The following GRIA1 variants were observed in gnomAD, a reference collection of about 807,000 sequenced individuals.
GRIA1 encodes the protein glutamate ionotropic receptor AMPA type subunit 1, also known as glutamate receptor 1.
GRIA1 carries 31 observed loss-of-function variants against 99.2 expected under a neutral mutation model. That is an observed-to-expected ratio of 0.31 (90% CI 0.23 to 0.42). The LOEUF (loss-of-function observed/expected upper bound fraction) is 0.42, where lower values mean the gene tolerates loss of function less well. Among genes scored for constraint, GRIA1 ranks in the 10% least tolerant of loss-of-function variants. The pLI, the probability that GRIA1 is intolerant of heterozygous loss-of-function variation, is 1.00. For synonymous variants in GRIA1, 438 were observed against 432.4 expected (o/e 1.01, Z -0.16); for missense variants, 782 against 1,157.5 (o/e 0.68, Z 4.71).
chr5:153,747,067 G>GTTTGT (rs1404115081), intron 11 of GRIA1, among the ~76,000 whole-genome samples: 1 of 152,152 alleles, frequency 6.6e-6, no homozygotes, highest in Admixed American at 6.5e-5. Flanking sequence ...GGATGTGTTA[G>GTTTGT]TTTGTTTTGC....
At chr5:153,669,555 T>G (rs1755997051) in intron 5 of GRIA1, among the ~76,000 whole-genome samples, 1 of 152,194 alleles carries the variant, frequency 6.6e-6, no homozygotes, top group South Asian at 2.1e-4. Context: ...TTCCAGTGAC[T>G]AATGGATGAT....
chr5:153,717,360 C>G (rs545325515), intron 11 of GRIA1, among the ~76,000 whole-genome samples: 1 of 152,144 alleles, frequency 6.6e-6, no homozygotes, highest in East Asian at 1.9e-4. Flanking sequence ...AGGAGGGAAT[C>G]CCTGCTGGAG....
intron 8 of GRIA1, among the ~76,000 whole-genome samples, chr5:153,693,985 G>C (rs183522279): frequency 1.3e-5 from 2 of 152,312 alleles, no homozygotes; most frequent in East Asian, 3.9e-4. Context: ...ATGAGGCTGA[G>C]TATCACTCAG....
intron 11 of GRIA1, among the ~76,000 whole-genome samples, chr5:153,709,913 A>G (rs982796199): frequency 1.3e-5 from 2 of 152,168 alleles, no homozygotes; most frequent in African/African-American, 4.8e-5. Context: ...TATTGGGGGA[A>G]TCAACTGGCA....
chr5:153,499,121 A>G (rs1343430422), intron 2 of GRIA1, among the ~76,000 whole-genome samples: 1 of 152,228 alleles, frequency 6.6e-6, no homozygotes, highest in Non-Finnish European at 1.5e-5. Flanking sequence ...TTGAAGACCT[A>G]CTATGTGCCA....
chr5:153,495,374 A>G (rs1754312383), intron 2 of GRIA1, among the ~76,000 whole-genome samples: 1 of 152,216 alleles, frequency 6.6e-6, no homozygotes, highest in African/African-American at 2.4e-5. Flanking sequence ...AACTGAGGCT[A>G]CAACAGATTA....
At chr5:153,681,879 CAA>C (rs535743261) in intron 7 of GRIA1, among the ~76,000 whole-genome samples, 2 of 151,986 alleles carry the variant, frequency 1.3e-5, no homozygotes, top group East Asian at 1.9e-4. Context: ...ACTAAAAATA[CAA>C]AAAGTTAGCG....
chr5:153,650,269 G>A, intron 3 of GRIA1, 61 bp from the exon 4 acceptor site: 2 of 1,476,494 alleles, frequency 1.4e-6, no homozygotes, highest in African/African-American at 1.4e-5. Context: ...CCTGATGGGA[G>A]TGGGTGGTGC....
chr5:153,796,109 C>T lies in GRIA1; in HGVS notation c.2385+1374C>T, dbSNP rs116991388. ...ACCCTTTGGCTTACACATTCAAGGG[C>T]CATTGAATTGGCCTCCAAGCAGGGT... On this transcript the variant is annotated intron_variant, in intron 14 of 15. Transcript: ENST00000285900. Among the ~76,000 whole-genome samples, 53 of 149,786 alleles carry T rather than the reference C, an allele frequency of 3.5e-4. No individual in the cohort carries two copies. In the East Asian group the frequency reaches 9.0e-3, roughly 25 times the overall value.
intron 11 of GRIA1, among the ~76,000 whole-genome samples, chr5:153,718,057 CAT>C (rs1325312674): frequency 1.3e-5 from 2 of 151,978 alleles, no homozygotes; most frequent in African/African-American, 4.8e-5. Context: ...AGAAAGGAGT[CAT>C]CACTCCGATG....
At chr5:153,525,852 C>T (rs1245404775) in intron 2 of GRIA1, among the ~76,000 whole-genome samples, 1 of 152,170 alleles carries the variant, frequency 6.6e-6, no homozygotes, top group African/African-American at 2.4e-5. Flanking sequence ...ACACTCCACT[C>T]AGTAAGTTGG....
intron 13 of GRIA1, among the ~76,000 whole-genome samples, chr5:153,788,824 A>G (rs1765131599): frequency 6.6e-6 from 1 of 152,214 alleles, no homozygotes; most frequent in Non-Finnish European, 1.5e-5. Context: ...GCAAAGTATT[A>G]TGGTTTCCCA....
At chr5:153,709,219 T>G (rs1014158709) in intron 11 of GRIA1, among the ~76,000 whole-genome samples, 6 of 152,234 alleles carry the variant, frequency 3.9e-5, no homozygotes, top group African/African-American at 1.2e-4. Context: ...AGCACTATGT[T>G]AGACACTCTG....
At chr5:153,802,045 A>G (rs1210303745) in intron 14 of GRIA1, among the ~76,000 whole-genome samples, 3 of 152,056 alleles carry the variant, frequency 2.0e-5, no homozygotes, top group Non-Finnish European at 4.4e-5. Context: ...ATTTTGGTAG[A>G]AGCTGCCCTA....
chr5:153,808,604 C>A (rs532810530), intron 15 of GRIA1, among the ~76,000 whole-genome samples: 2 of 152,192 alleles, frequency 1.3e-5, no homozygotes, highest in Non-Finnish European at 2.9e-5. Context: ...ATACACCACA[C>A]CAGCATCTCT....
rs70976100 is a variant in GRIA1, at chr5:153,499,613, C to CAAAAAAA, written c.220+5569_220+5575dup. On this transcript the variant is annotated intron_variant, in intron 2 of 15. Transcript: ENST00000285900. ...CTGGCAACAGAGCGAGAATTTGTCTCAAAAAAAAAAAAAAAAAAAAAAAAA... is the reference window on the plus strand; with the variant it reads ...CTGGCAACAGAGCGAGAATTTGTCTCAAAAAAAAAAAAAAAAAAAAAAAAAAAAAAAA... 8.7e-3 allele frequency among the ~76,000 whole-genome samples: 365 copies of CAAAAAAA among 42,110 alleles called. 42 individuals carry two copies. The highest frequency in any genetic ancestry group is 0.033 in the African/African-American group (351 of 10,782). The allele number at this position is 42,110 out of a possible 152,430, so 27.6% of individuals were successfully genotyped here.
chr5:153,581,696 A>G (rs546313835), intron 2 of GRIA1, among the ~76,000 whole-genome samples: 2 of 151,112 alleles, frequency 1.3e-5, no homozygotes, highest in South Asian at 2.1e-4. Flanking sequence ...TTCTTAGCAC[A>G]TATCGATTTG....
At chr5:153,764,329 G>C in intron 11 of GRIA1, 105 bp from the exon 12 acceptor site, 2 of 796,968 alleles carry the variant, frequency 2.5e-6, no homozygotes, top group Non-Finnish European at 4.5e-6. Context: ...GTGCAATAGG[G>C]CCTGACCGCT....
At chr5:153,785,200 C>G (rs538274891) in intron 13 of GRIA1, among the ~76,000 whole-genome samples, 36 of 152,256 alleles carry the variant, frequency 2.4e-4, no homozygotes, top group African/African-American at 8.4e-4. Flanking sequence ...CCTCAAGCCC[C>G]ATGGAAGGAA....
Sources: allele counts gnomAD v4.1 joint callset (sites outside exome capture counted in the v4.1 genomes callset), GRCh38; gene constraint gnomAD v4.1.1; transcripts MANE v1.5; gene names NCBI Gene and HGNC (gene_info 2026-07-23, HGNC 2026-07-21).